Variants in PPP1R3A observed in about 807,000 individuals in gnomAD.
The protein encoded by PPP1R3A is protein phosphatase 1 regulatory subunit 3A, also known as RG1.
In PPP1R3A, 29 loss-of-function variants were observed where a neutral mutation model predicts 41.7. The ratio of observed to expected loss-of-function variants is 0.70; its 90% CI spans 0.52 to 0.95. The LOEUF (loss-of-function observed/expected upper bound fraction) is 0.95. Ranked by LOEUF, PPP1R3A falls within the 40% of genes least tolerant of loss-of-function variation. The pLI, the probability that PPP1R3A is intolerant of heterozygous loss-of-function variation, is 0.00. For missense variants in PPP1R3A, 1,352 were observed against 1,292.4 expected (o/e 1.05, Z -0.71); for synonymous variants, 485 against 453.4 (o/e 1.07, Z -0.89).
At chr7:113,897,237 T>C (rs942714555) in intron 1 of PPP1R3A, among the ~76,000 whole-genome samples, 1 of 151,824 alleles carries the variant, frequency 6.6e-6, no homozygotes, top group Non-Finnish European at 1.5e-5. Flanking sequence ...TCTATATTTA[T>C]TGAGTATGAA....
intron 1 of PPP1R3A, among the ~76,000 whole-genome samples, chr7:113,893,330 T>C (rs1304156317): frequency 1.3e-5 from 2 of 151,984 alleles, no homozygotes; most frequent in Non-Finnish European, 1.5e-5. Flanking sequence ...TTACCTAAAA[T>C]TGCAATATAG....
At chr7:113,906,646 A>T (rs950201519) in intron 1 of PPP1R3A, among the ~76,000 whole-genome samples, 1 of 151,808 alleles carries the variant, frequency 6.6e-6, no homozygotes, top group African/African-American at 2.4e-5. Context: ...TTTGAACTAC[A>T]ATGAACATAA....
chr7:113,918,197 T>C lies in PPP1R3A; in HGVS notation c.782+18A>G, dbSNP rs112449320. 33 of 1,569,404 alleles carry C rather than the reference T, an allele frequency of 2.1e-5. No homozygotes were observed. Among genetic ancestry groups the C allele is most frequent in the African/African-American group, 9.6e-5 (7 of 72,638 alleles). The stretch of plus-strand genomic sequence containing the variant: ...CTTTAAGATTGTGAATAATAAAATA[T>C]GTAAGATATATCCTCACCTTGATTT... On this transcript the variant is annotated intron_variant, in intron 1 of 3. Transcript: ENST00000284601.
At chr7:113,915,347 G>A (rs1467855724) in intron 1 of PPP1R3A, among the ~76,000 whole-genome samples, 2 of 151,852 alleles carry the variant, frequency 1.3e-5, no homozygotes, top group African/African-American at 4.8e-5. Context: ...TATTAGAAGG[G>A]ATTATTGACA....
chr7:113,903,684 C>T (rs901841109), intron 1 of PPP1R3A, among the ~76,000 whole-genome samples: 2 of 151,604 alleles, frequency 1.3e-5, no homozygotes, highest in African/African-American at 2.4e-5. Flanking sequence ...TCTAATGTGC[C>T]CTCCAAACTC....
chr7:113,893,316 C>G (rs1796924318), intron 1 of PPP1R3A, among the ~76,000 whole-genome samples: 1 of 151,836 alleles, frequency 6.6e-6, no homozygotes, highest in South Asian at 2.1e-4. Context: ...ATAGAAATAA[C>G]TGCTTACCTA....
intron 1 of PPP1R3A, among the ~76,000 whole-genome samples, chr7:113,896,396 G>A (rs1285680062): frequency 2.0e-5 from 3 of 151,708 alleles, no homozygotes; most frequent in African/African-American, 7.3e-5. Context: ...GGCTTCTGTT[G>A]TTTTTTACTT....
At chr7:113,897,602 G>T (rs2129117694) in intron 1 of PPP1R3A, among the ~76,000 whole-genome samples, 1 of 151,354 alleles carries the variant, frequency 6.6e-6, no homozygotes, top group South Asian at 2.1e-4. Context: ...TATGTAGGAA[G>T]CTTAGAAGTT....
intron 1 of PPP1R3A, among the ~76,000 whole-genome samples, chr7:113,893,741 TTG>T (rs141194369): frequency 0.67 from 101,206 of 151,524 alleles, 33,790 homozygotes; most frequent in South Asian, 0.75. Context: ...TAAAACTGAG[TTG>T]TTGCATTTCT....
chr7:113,908,954 A>G (rs1322253913), intron 1 of PPP1R3A, among the ~76,000 whole-genome samples: 1 of 151,898 alleles, frequency 6.6e-6, no homozygotes, highest in Non-Finnish European at 1.5e-5. Context: ...ATATATGGCC[A>G]TAAAGATGGA....
chr7:113,911,583 A>C (rs1207197065), intron 1 of PPP1R3A, among the ~76,000 whole-genome samples: 1 of 152,062 alleles, frequency 6.6e-6, no homozygotes, highest in African/African-American at 2.4e-5. Context: ...CCTTAAGAAA[A>C]ACATGTCCTC....
chr7:113,879,654 T>C lies in PPP1R3A; in HGVS notation c.1438A>G (p.Lys480Glu), dbSNP rs779105009. ...HEGGAKNIEVKDLGCLRRDFH... is the reference protein window; with the variant it reads ...HEGGAKNIEVEDLGCLRRDFH... ...TCTCTTCGTAAACATCCCAAATCTTTTACTTCAATATTTTTAGCTCCTCCT... is the reference window on the plus strand; with the variant it reads ...TCTCTTCGTAAACATCCCAAATCTTCTACTTCAATATTTTTAGCTCCTCCT... Residue 480 changes from lysine (K) to glutamate (E), a missense_variant, in exon 4 of 4, where the codon AAA becomes GAA. Coordinates refer to ENST00000284601, the MANE Select transcript of PPP1R3A (RefSeq NM_002711.4). 3.1e-6 allele frequency: 5 copies of C among 1,613,322 alleles called. No individual in the cohort carries two copies. Among genetic ancestry groups the C allele is most frequent in the Non-Finnish European group, 4.2e-6 (5 of 1,179,680 alleles).
chr7:113,887,547 T>C (rs770972875), intron 1 of PPP1R3A, among the ~76,000 whole-genome samples: 15 of 152,124 alleles, frequency 9.9e-5, no homozygotes, highest in Non-Finnish European at 2.1e-4. Flanking sequence ...TGGGATATGA[T>C]AGATATTCTC....
rs192886335 is a variant in PPP1R3A, at chr7:113,918,895, T to C, written c.102A>G (p.Gln34=). Residue 34 remains glutamine, a synonymous_variant, in exon 1 of 4, where the codon CAA becomes CAG. Coordinates refer to ENST00000284601, the MANE Select transcript of PPP1R3A (RefSeq NM_002711.4). The stretch of plus-strand genomic sequence containing the variant: ...TACTTGGTTGAGGGGAGAAACCAGG[T>C]TGGAAAGTAACTTCTTCATCTTCAC... ...SLCEDEEVTF[Q]PGFSPQPSRR... 1.1e-4 allele frequency: 171 copies of C among 1,613,444 alleles called. 1 individual carries two copies. The Admixed American group carries it at 1.4e-3, about 14-fold the overall frequency.
chr7:113,914,345 G>A (rs1797304507), intron 1 of PPP1R3A, among the ~76,000 whole-genome samples: 1 of 152,110 alleles, frequency 6.6e-6, no homozygotes, highest in South Asian at 2.1e-4. Flanking sequence ...ATGCATGTCT[G>A]TTCAATCCTA....
intron 1 of PPP1R3A, among the ~76,000 whole-genome samples, chr7:113,892,912 C>T (rs768181560): frequency 4.6e-5 from 7 of 151,998 alleles, no homozygotes; most frequent in Admixed American, 1.3e-4. Context: ...TGGTTTTGAC[C>T]GACACATTGT....
At position 113,878,102 on chromosome 7, in the gene PPP1R3A, A is replaced by C. The variant is rs35572169; in HGVS notation, c.2990T>G (p.Phe997Cys). 1.9e-3 allele frequency: 3,046 copies of C among 1,613,378 alleles called. 2 individuals carry two copies. The highest frequency in any genetic ancestry group is 4.3e-3 in the Middle Eastern group (26 of 6,062). ...SRKERCIGQI[F>C]QTEEYSVEKS... Reference sequence around the variant, plus strand: ...TTCCACACTATACTCTTCTGTTTGGAAAATCTGGCCTATGCATCTTTCTTT... The same window carrying C: ...TTCCACACTATACTCTTCTGTTTGGCAAATCTGGCCTATGCATCTTTCTTT... Residue 997 changes from phenylalanine to cysteine, a missense_variant, in exon 4 of 4, where the codon TTC (phenylalanine) becomes TGC (cysteine). Coordinates refer to ENST00000284601, the MANE Select transcript of PPP1R3A (RefSeq NM_002711.4).
chr7:113,905,861 C>T (rs937483645), intron 1 of PPP1R3A, among the ~76,000 whole-genome samples: 2 of 151,776 alleles, frequency 1.3e-5, no homozygotes, highest in African/African-American at 4.8e-5. Context: ...CATTTCTGAT[C>T]AGTGAACATA....
Position 113,918,816 on chromosome 7 carries a change from T to C in PPP1R3A, c.181A>G (p.Thr61Ala). 1 of 1,613,804 alleles carries C rather than the reference T, an allele frequency of 6.2e-7. No individual in the cohort carries two copies. The highest frequency in any genetic ancestry group is 8.5e-7 in the Non-Finnish European group (1 of 1,179,750). ...DIYLDTPSSG[T>A]RRVSFADSFG... ...GAATCAGCAAATGAAACTCTTCTAG[T>C]ACCTGAAGATGGGGTATCCAGGTAT... Residue 61 changes from threonine to alanine, a missense_variant, in exon 1 of 4, where the codon ACT (threonine) becomes GCT (alanine). By Grantham distance (58) the Thr-to-Ala change is moderately conservative. Transcript: ENST00000284601.
Sources: gnomAD v4.1 joint callset for allele counts (sites outside exome capture counted in the v4.1 genomes callset) on GRCh38, gnomAD v4.1.1 for gene constraint, MANE v1.5 for transcripts, NCBI Gene and HGNC (gene_info 2026-07-23, HGNC 2026-07-21) for gene names.